Variants in HHAT observed in about 807,000 individuals in gnomAD.
The protein encoded by HHAT is protein-cysteine N-palmitoyltransferase HHAT.
Under a neutral mutation model 70.8 loss-of-function variants are expected in HHAT, and 47 were observed. The observed-to-expected ratio is 0.66, with a 90% CI of 0.53 to 0.85. The LOEUF is 0.85. Among genes scored for constraint, HHAT ranks in the 40% least tolerant of loss-of-function variants. HHAT has a pLI of 0.00. For missense variants in HHAT, 609 were observed against 604.8 expected, an observed-to-expected ratio of 1.01 and a Z score of -0.07; for synonymous variants, 228 against 247.6, an observed-to-expected ratio of 0.92 and a Z score of 0.74.
intron 9 of HHAT, among the ~76,000 whole-genome samples, chr1:210,548,168 C>T (rs1262889338): frequency 6.6e-6 from 1 of 152,124 alleles, no homozygotes; most frequent in East Asian, 1.9e-4. Context: ...TCACTGTGGG[C>T]ACCAAGGCAG....
In HHAT at chr1:210,625,570, C is replaced by T. The variant is rs572984297; in HGVS notation, c.1390+1900C>T. 5.3e-5 allele frequency among the ~76,000 whole-genome samples: 8 copies of T among 152,302 alleles called. No homozygotes were observed. In the South Asian group the frequency reaches 1.7e-3, roughly 32 times the overall value. ...ACAGGATAGAGTAGCTGACTTTCCA[C>T]AGAAGATGGGCTTTTCAGAAGAGGT... On this transcript the variant is annotated intron_variant, in intron 11 of 11. Transcript: ENST00000261458.
chr1:210,396,409 G>C (rs1221686079), intron 4 of HHAT, among the ~76,000 whole-genome samples: 1 of 152,176 alleles, frequency 6.6e-6, no homozygotes, highest in Non-Finnish European at 1.5e-5. Flanking sequence ...ACACTTACCA[G>C]AATGGCTCAG....
chr1:210,543,644 TC>T (rs1305761044), intron 9 of HHAT, among the ~76,000 whole-genome samples: 4 of 152,202 alleles, frequency 2.6e-5, no homozygotes, highest in African/African-American at 7.2e-5. Context: ...TTTTAATTTT[TC>T]CAAATTTTTC....
chr1:210,649,661 C>T (rs1674734361), intron 11 of HHAT, among the ~76,000 whole-genome samples: 1 of 152,216 alleles, frequency 6.6e-6, no homozygotes, highest in African/African-American at 2.4e-5. Context: ...TCGAGAATGA[C>T]CTTGACCTGT....
intron 10 of HHAT, among the ~76,000 whole-genome samples, chr1:210,594,582 G>C (rs932584491): frequency 2.6e-5 from 4 of 152,124 alleles, no homozygotes; most frequent in Non-Finnish European, 4.4e-5. Flanking sequence ...TGAGTAGTTT[G>C]TAGGCCACAA....
In HHAT at chr1:210,356,070, CCACACTTG is replaced by C. The variant is rs1239677564; in HGVS notation, c.92-6772_92-6765del. Among the ~76,000 whole-genome samples, 18 of 151,564 alleles carry C rather than the reference CCACACTTG, an allele frequency of 1.2e-4. No individual in the cohort carries two copies. The South Asian group carries it at 3.4e-3, about 28-fold the overall frequency. On this transcript the variant is annotated intron_variant, in intron 2 of 11. Coordinates refer to ENST00000261458, the MANE Select transcript of HHAT (RefSeq NM_018194.6). ...TAGCTAGGACTACAGGCACACAGTA[CCACACTTG>C]CACACTTGCTTGGCTATTTTTTTTT...
intron 8 of HHAT, among the ~76,000 whole-genome samples, chr1:210,496,539 T>A (rs190262886): frequency 2.0e-5 from 3 of 152,328 alleles, no homozygotes; most frequent in Non-Finnish European, 4.4e-5. Flanking sequence ...TCCAGGGCCA[T>A]CATGGAGACT....
intron 9 of HHAT, among the ~76,000 whole-genome samples, chr1:210,516,977 T>C (rs1433425345): frequency 6.6e-6 from 1 of 152,196 alleles, no homozygotes; most frequent in Non-Finnish European, 1.5e-5. Flanking sequence ...ACTGTTGATA[T>C]TAGTGTTTTG....
At chr1:210,363,223 A>G (rs2088553005) in intron 3 of HHAT, among the ~76,000 whole-genome samples, 1 of 152,186 alleles carries the variant, frequency 6.6e-6, no homozygotes, top group South Asian at 2.1e-4. Flanking sequence ...TCAGAATCAC[A>G]TGCGGCCCCT....
intron 9 of HHAT, among the ~76,000 whole-genome samples, chr1:210,566,458 T>C (rs917748737): frequency 2.0e-5 from 3 of 151,996 alleles, no homozygotes; most frequent in Non-Finnish European, 4.4e-5. Context: ...TTGTTTTTGT[T>C]CCCAAAAGTT....
At chr1:210,334,957 A>T (rs966882357) in intron 1 of HHAT, among the ~76,000 whole-genome samples, 1 of 152,182 alleles carries the variant, frequency 6.6e-6, no homozygotes, top group Non-Finnish European at 1.5e-5. Flanking sequence ...AAACCTTTCC[A>T]TAGCAAAATT....
At chr1:210,353,286 G>C (rs749514850) in intron 2 of HHAT, among the ~76,000 whole-genome samples, 1 of 152,072 alleles carries the variant, frequency 6.6e-6, no homozygotes, top group Non-Finnish European at 1.5e-5. Context: ...GCATCAGAAG[G>C]CTTGTGTGAT....
chr1:210,654,964 C>G (rs1352796604), intron 11 of HHAT, among the ~76,000 whole-genome samples: 4 of 152,148 alleles, frequency 2.6e-5, no homozygotes, highest in Admixed American at 2.6e-4. Flanking sequence ...TAGGCACTAC[C>G]CCATCACTTT....
Position 210,443,000 on chromosome 1 carries a change from C to T in HHAT, c.857-21505C>T, listed in dbSNP as rs543998270. 1.7e-3 allele frequency among the ~76,000 whole-genome samples: 260 copies of T among 152,278 alleles called. 1 individual carries two copies. Among genetic ancestry groups the T allele is most frequent in the Middle Eastern group, 0.017 (5 of 294 alleles). ...ATGGTTTTAGGTCTAACATTTAAGT[C>T]TTTAATCCATCTTGAATTGATTTTT... On this transcript the variant is annotated intron_variant, in intron 7 of 11. Coordinates refer to ENST00000261458, the MANE Select transcript of HHAT (RefSeq NM_018194.6).
intron 7 of HHAT, among the ~76,000 whole-genome samples, chr1:210,420,243 G>C (rs2148281649): frequency 6.6e-6 from 1 of 151,804 alleles, no homozygotes; most frequent in East Asian, 1.9e-4. Flanking sequence ...ATTCATGCTT[G>C]TTATGTATGT....
At chr1:210,361,285 C>G (rs1373311154) in intron 2 of HHAT, among the ~76,000 whole-genome samples, 1 of 152,204 alleles carries the variant, frequency 6.6e-6, no homozygotes, top group Non-Finnish European at 1.5e-5. Context: ...TTCCTTTGGA[C>G]TTGAGTCTGT....
At chr1:210,658,618 A>T (rs1382620212) in intron 11 of HHAT, among the ~76,000 whole-genome samples, 1 of 152,360 alleles carries the variant, frequency 6.6e-6, no homozygotes, top group East Asian at 1.9e-4. Context: ...CTCTACCCCA[A>T]ATCAACAGAA....
intron 6 of HHAT, among the ~76,000 whole-genome samples, chr1:210,406,905 C>T (rs1049061072): frequency 6.6e-6 from 1 of 152,078 alleles, no homozygotes; most frequent in African/African-American, 2.4e-5. Context: ...TTTTCCTTCC[C>T]TCTCTCTCTC....
chr1:210,623,351 G>A (rs1483363672), intron 10 of HHAT, among the ~76,000 whole-genome samples, 175 bp from the exon 11 acceptor site: 1 of 152,164 alleles, frequency 6.6e-6, no homozygotes, highest in African/African-American at 2.4e-5. Context: ...GAGATTATAG[G>A]CATGAGCTGC....
Sources: allele counts gnomAD v4.1 joint callset (sites outside exome capture counted in the v4.1 genomes callset), GRCh38; gene constraint gnomAD v4.1.1; transcripts MANE v1.5; gene names NCBI Gene and HGNC (gene_info 2026-07-23, HGNC 2026-07-21).